CREBBP: variants seen among roughly 807,000 people sequenced by gnomAD.
CREBBP encodes CREB-binding protein.
CREBBP carries 19 observed loss-of-function variants against 265.0 expected under a neutral mutation model. The ratio of observed to expected loss-of-function variants is 0.07; its 90% CI spans 0.05 to 0.11. The LOEUF is 0.11. Among genes scored for constraint, CREBBP ranks in the 10% least tolerant of loss-of-function variants. CREBBP has a pLI of 1.00. For synonymous variants in CREBBP, 1,457 were observed against 1,223.7 expected, an observed-to-expected ratio of 1.19 and a Z score of -3.98; for missense variants, 2,525 against 3,219.0, an observed-to-expected ratio of 0.78 and a Z score of 5.22.
intron 9 of CREBBP, 144 bp downstream of exon 9, chr16:3,778,556 G>A (rs983704643): frequency 2.6e-6 from 2 of 760,760 alleles, no homozygotes; most frequent in African/African-American, 3.4e-5. Context: ...TCTTATCTGG[G>A]AAGTCTCCTT....
At chr16:3,841,451 T>C (rs952474395) in intron 2 of CREBBP, among the ~76,000 whole-genome samples, 1 of 151,754 alleles carries the variant, frequency 6.6e-6, no homozygotes, top group African/African-American at 2.4e-5. Context: ...CAAATAAAGG[T>C]GTATATAAGA....
chr16:3,795,772 G>C (rs1196512377), intron 3 of CREBBP, among the ~76,000 whole-genome samples: 3 of 152,128 alleles, frequency 2.0e-5, no homozygotes, highest in East Asian at 3.9e-4. Context: ...TGGAGATATG[G>C]AGGAATGGGA....
intron 21 of CREBBP, 26 bp from the exon 22 acceptor site, chr16:3,745,380 T>TA (rs751214894): frequency 6.2e-7 from 1 of 1,609,060 alleles, no homozygotes; most frequent in Non-Finnish European, 8.5e-7. Context: ...GGCGCACTGT[T>TA]AAAGCACACG....
intron 2 of CREBBP, among the ~76,000 whole-genome samples, chr16:3,830,648 C>T (rs1388308117): frequency 6.6e-6 from 1 of 152,094 alleles, no homozygotes; most frequent in African/African-American, 2.4e-5. Flanking sequence ...CCAGACAAAC[C>T]TAAAATTGTA....
rs542044521 is a variant in CREBBP at position 3,873,566 on chromosome 16, G to A, written c.85+6266C>T. Reference sequence around the variant, plus strand: ...CCTAGGACTTACAAGGTACGACAACGTCCCTGGTTAACGCTAGTGTCAGTT... The same window carrying A: ...CCTAGGACTTACAAGGTACGACAACATCCCTGGTTAACGCTAGTGTCAGTT... On this transcript the variant is annotated intron_variant, in intron 1 of 30. Transcript: ENST00000262367. 5.9e-5 allele frequency among the ~76,000 whole-genome samples: 9 copies of A among 152,266 alleles called. No individual in the cohort carries two copies. In the East Asian group the frequency reaches 1.4e-3, roughly 23 times the overall value.
chr16:3,782,354 G>A (rs150986071), intron 6 of CREBBP, among the ~76,000 whole-genome samples: 199 of 152,272 alleles, frequency 1.3e-3, no homozygotes, highest in African/African-American at 4.5e-3. Context: ...ACAAATAAAT[G>A]ACAACAGTCA....
intron 16 of CREBBP, among the ~76,000 whole-genome samples, chr16:3,760,466 G>A (rs935544298): frequency 3.1e-5 from 4 of 128,602 alleles, no homozygotes; most frequent in Non-Finnish European, 4.7e-5. Flanking sequence ...GCAGTGGTAC[G>A]ATCTCGGCTC....
At chr16:3,855,381 C>T (rs181331568) in intron 1 of CREBBP, among the ~76,000 whole-genome samples, 3,475 of 152,304 alleles carry the variant, frequency 0.023, 135 homozygotes, top group African/African-American at 0.079. Flanking sequence ...AATTCTCCAA[C>T]CTCAGCCAGA....
chr16:3,806,954 G>C (rs1229968816), intron 3 of CREBBP, among the ~76,000 whole-genome samples: 1 of 152,050 alleles, frequency 6.6e-6, no homozygotes, highest in Non-Finnish European at 1.5e-5. Context: ...CCTCAATGTG[G>C]CCTTCTCTGA....
At chr16:3,798,788 T>C (rs1053325430) in intron 3 of CREBBP, among the ~76,000 whole-genome samples, 1 of 152,144 alleles carries the variant, frequency 6.6e-6, no homozygotes, top group Non-Finnish European at 1.5e-5. Context: ...CCTCAAAAGG[T>C]CAAACATAAA....
At chr16:3,787,158 G>A (rs2053406927) in intron 5 of CREBBP, among the ~76,000 whole-genome samples, 1 of 152,122 alleles carries the variant, frequency 6.6e-6, no homozygotes, top group Non-Finnish European at 1.5e-5. Flanking sequence ...GGCATTGTGT[G>A]GGCCAGGACC....
intron 2 of CREBBP, among the ~76,000 whole-genome samples, chr16:3,831,651 G>A (rs2054344376): frequency 6.6e-6 from 1 of 151,896 alleles, no homozygotes; most frequent in Non-Finnish European, 1.5e-5. Context: ...ATCAATGAGA[G>A]AAAAACAAGA....
intron 4 of CREBBP, 58 bp downstream of exon 4, chr16:3,793,328 C>A: frequency 6.2e-7 from 1 of 1,611,592 alleles, no homozygotes; most frequent in Non-Finnish European, 8.5e-7. Flanking sequence ...GCTGTAAGAA[C>A]AATAAAGGCA....
intron 2 of CREBBP, among the ~76,000 whole-genome samples, chr16:3,835,868 C>A (rs2054438094): frequency 6.6e-6 from 1 of 151,620 alleles, no homozygotes; most frequent in Non-Finnish European, 1.5e-5. Flanking sequence ...GTGTGAGCCA[C>A]CGCGCCCGGC....
In CREBBP at chr16:3,815,454, C is replaced by T. The variant is rs28493608; in HGVS notation, c.799-4675G>A. On this transcript the variant is annotated intron_variant, in intron 2 of 30. Coordinates refer to ENST00000262367, the MANE Select transcript of CREBBP (RefSeq NM_004380.3). The stretch of plus-strand genomic sequence containing the variant: ...TGAGCCAGAATAAACTGCTTGAACC[C>T]GGGAGGCAGAAAATGCAGTGAGCTG... Among the ~76,000 whole-genome samples the T allele has an allele frequency of 4.6e-3, 685 of 147,930 alleles. 9 individuals carry two copies. Among genetic ancestry groups the T allele is most frequent in the African/African-American group, 0.016 (646 of 39,768 alleles).
Position 3,804,143 on chromosome 16 carries a change from T to C in CREBBP, c.975+6460A>G, listed in dbSNP as rs529155796. ...ACAACAAAAAAGACAACCTGCAAGATAGAAGATAGAAGGCACCAGATCTAT... is the reference window on the plus strand; with the variant it reads ...ACAACAAAAAAGACAACCTGCAAGACAGAAGATAGAAGGCACCAGATCTAT... On this transcript the variant is annotated intron_variant, in intron 3 of 30. Coordinates refer to ENST00000262367, the MANE Select transcript of CREBBP (RefSeq NM_004380.3). Among the ~76,000 whole-genome samples, 12 of 151,662 alleles carry C rather than the reference T, an allele frequency of 7.9e-5. No homozygotes were observed. The South Asian group carries it at 2.1e-3, about 26-fold the overall frequency.
chr16:3,779,448 A>G (rs989360528), intron 8 of CREBBP, among the ~76,000 whole-genome samples: 2 of 152,190 alleles, frequency 1.3e-5, no homozygotes, highest in Non-Finnish European at 1.5e-5. Flanking sequence ...CACTGGAATT[A>G]CACGTGGGGG....
rs537775283 is a variant in CREBBP at position 3,868,488 on chromosome 16, C to G, written c.85+11344G>C. Among the ~76,000 whole-genome samples the G allele has an allele frequency of 5.1e-4, 78 of 152,080 alleles. 6 individuals carry two copies. In the Middle Eastern group the frequency reaches 0.01, roughly 20 times the overall value. ...TTCTGGAAAATAAATCACAGGAGCT[C>G]CCCCAATCACTCTGGACACGGGTTT... On this transcript the variant is annotated intron_variant, in intron 1 of 30. Coordinates refer to ENST00000262367, the MANE Select transcript of CREBBP (RefSeq NM_004380.3).
intron 6 of CREBBP, among the ~76,000 whole-genome samples, chr16:3,781,533 T>C (rs1188010961): frequency 6.6e-6 from 1 of 152,142 alleles, no homozygotes; most frequent in African/African-American, 2.4e-5. Flanking sequence ...CACTCTACTT[T>C]GTAACCAAAG....
Sources: gnomAD v4.1 joint callset for allele counts (sites outside exome capture counted in the v4.1 genomes callset) on GRCh38, gnomAD v4.1.1 for gene constraint, MANE v1.5 for transcripts, NCBI Gene and HGNC (gene_info 2026-07-23, HGNC 2026-07-21) for gene names.